The following PHF21A variants were observed in gnomAD, a reference collection of about 807,000 sequenced individuals.
PHF21A encodes BHC80a.
In PHF21A, 11 loss-of-function variants were observed where a neutral mutation model predicts 82.5. The ratio of observed to expected loss-of-function variants is 0.13; its 90% CI spans 0.08 to 0.22. The LOEUF (loss-of-function observed/expected upper bound fraction) is 0.22, where lower values mean the gene tolerates loss of function less well. PHF21A is among the 10% of genes least tolerant of loss of function. The pLI, the probability that PHF21A is intolerant of heterozygous loss-of-function variation, is 1.00. For missense variants in PHF21A, 579 were observed against 837.8 expected, an observed-to-expected ratio of 0.69 and a Z score of 3.81; for synonymous variants, 297 against 302.8, an observed-to-expected ratio of 0.98 and a Z score of 0.20.
rs532178897 is a variant in PHF21A at position 46,054,272 on chromosome 11, TTA to T, written c.153+22480_153+22481del. 2.2e-4 allele frequency among the ~76,000 whole-genome samples: 33 copies of T among 152,182 alleles called. 1 individual carries two copies. The highest frequency in any genetic ancestry group is 1.9e-3 in the East Asian group (10 of 5,180). On this transcript the variant is annotated intron_variant, in intron 6 of 18. Transcript: ENST00000676320. ...TTAATATGATAGTAACCCTTGAAAA[TTA>T]TATCACATAAAGTTTCTTCTCTAGC...
At chr11:45,989,117 C>T (rs917298538) in intron 6 of PHF21A, among the ~76,000 whole-genome samples, 3 of 152,170 alleles carry the variant, frequency 2.0e-5, no homozygotes, top group African/African-American at 7.2e-5. Context: ...TACTGATTAA[C>T]TTCATGGAAT....
chr11:45,946,730 A>G (rs187619487), intron 14 of PHF21A, among the ~76,000 whole-genome samples: 9 of 152,302 alleles, frequency 5.9e-5, no homozygotes, highest in Admixed American at 2.0e-4. Flanking sequence ...CTCTGCAATC[A>G]GCATTCTCAC....
At chr11:46,029,522 T>C (rs1325417658) in intron 6 of PHF21A, among the ~76,000 whole-genome samples, 3 of 152,186 alleles carry the variant, frequency 2.0e-5, no homozygotes, top group Non-Finnish European at 4.4e-5. Context: ...ACCCTGTCTC[T>C]ACTAAAAATA....
intron 6 of PHF21A, among the ~76,000 whole-genome samples, chr11:46,018,305 T>C (rs542359903): frequency 6.6e-6 from 1 of 151,308 alleles, no homozygotes; most frequent in South Asian, 2.1e-4. Context: ...TATAAAAGCA[T>C]CAAAATGTAC....
At chr11:45,994,992 T>C (rs748150404) in intron 6 of PHF21A, among the ~76,000 whole-genome samples, 29 of 152,244 alleles carry the variant, frequency 1.9e-4, no homozygotes, top group Non-Finnish European at 4.0e-4. Flanking sequence ...GAAATGTGTA[T>C]AATCTCTGTG....
intron 1 of PHF21A, among the ~76,000 whole-genome samples, chr11:46,102,146 A>G (rs924667967): frequency 2.3e-4 from 35 of 151,804 alleles, no homozygotes; most frequent in African/African-American, 8.2e-4. Flanking sequence ...GCGAGCCACC[A>G]CGCCTGTCCC....
intron 6 of PHF21A, among the ~76,000 whole-genome samples, chr11:45,987,755 C>T (rs531084545): frequency 6.7e-6 from 1 of 149,250 alleles, no homozygotes; most frequent in African/African-American, 2.5e-5. Flanking sequence ...GTAAATTAAG[C>T]TCCAATAGAG....
chr11:45,967,738 G>T (rs572387875), intron 9 of PHF21A, among the ~76,000 whole-genome samples: 1 of 151,884 alleles, frequency 6.6e-6, no homozygotes, highest in Admixed American at 6.6e-5. Context: ...TGTGGCCCAT[G>T]AAAGTCTTGT....
intron 6 of PHF21A, among the ~76,000 whole-genome samples, chr11:46,040,890 G>GACACACACACACACACAC (rs35673374): frequency 7.3e-6 from 1 of 137,222 alleles, no homozygotes. Flanking sequence ...CTGACAGGAA[G>GACACACACACACACACAC]ACACACACAC....
intron 6 of PHF21A, among the ~76,000 whole-genome samples, chr11:46,042,687 G>C (rs1018660389): frequency 6.6e-6 from 1 of 152,078 alleles, no homozygotes; most frequent in East Asian, 1.9e-4. Context: ...AGGTCTTTAA[G>C]AGGCCATTAG....
intron 1 of PHF21A, among the ~76,000 whole-genome samples, chr11:46,107,094 G>A (rs2097160320): frequency 6.6e-6 from 1 of 152,174 alleles, no homozygotes; most frequent in Admixed American, 6.5e-5. Flanking sequence ...CCTGAGGAAG[G>A]GAGCCACTGG....
intron 1 of PHF21A, among the ~76,000 whole-genome samples, chr11:46,109,264 A>C (rs991584317): frequency 2.6e-5 from 4 of 152,224 alleles, no homozygotes; most frequent in African/African-American, 9.6e-5. Flanking sequence ...GTAGGATAAT[A>C]ATAGTAAATC....
chr11:46,110,129 A>G (rs1449796516), intron 1 of PHF21A, among the ~76,000 whole-genome samples: 1 of 152,206 alleles, frequency 6.6e-6, no homozygotes, highest in Non-Finnish European at 1.5e-5. Context: ...ATTGCTGATT[A>G]AAAATTCAAT....
At chr11:45,974,406 T>C (rs975677092) in intron 7 of PHF21A, among the ~76,000 whole-genome samples, 2 of 142,930 alleles carry the variant, frequency 1.4e-5, no homozygotes, top group Admixed American at 1.5e-4. Flanking sequence ...AGAAGAAAGG[T>C]GTCAAACGAC....
At chr11:46,018,057 C>T (rs1307374143) in intron 6 of PHF21A, among the ~76,000 whole-genome samples, 5 of 151,690 alleles carry the variant, frequency 3.3e-5, no homozygotes, top group Non-Finnish European at 5.9e-5. Context: ...GAGACCATCC[C>T]GGCTAAAACG....
At chr11:46,066,356 T>A (rs963200170) in intron 6 of PHF21A, among the ~76,000 whole-genome samples, 2 of 152,172 alleles carry the variant, frequency 1.3e-5, no homozygotes, top group African/African-American at 4.8e-5. Context: ...TAGATATTTA[T>A]CTGTATGGTA....
intron 1 of PHF21A, among the ~76,000 whole-genome samples, chr11:46,096,864 C>A (rs891224495): frequency 6.6e-6 from 1 of 152,128 alleles, no homozygotes; most frequent in East Asian, 1.9e-4. Context: ...GTATCTCAAG[C>A]TCAACACATC....
chr11:46,069,946 T>C (rs2096636982), intron 6 of PHF21A, among the ~76,000 whole-genome samples: 1 of 152,218 alleles, frequency 6.6e-6, no homozygotes, highest in Non-Finnish European at 1.5e-5. Context: ...ATGCACTCAA[T>C]GGATACACGT....
Position 46,121,397 on chromosome 11 carries a change from T to A in PHF21A, c.-699A>T, listed in dbSNP as rs1853236598. Reference sequence around the variant, plus strand: ...GCCCAACTCTTCATCCTCCTCCTCCTCTCAGCAGCAGCAGCGAGCACCACC... The same window carrying A: ...GCCCAACTCTTCATCCTCCTCCTCCACTCAGCAGCAGCAGCGAGCACCACC... On this transcript the variant is annotated 5_prime_UTR_variant, in exon 1 of 19. Coordinates refer to ENST00000676320, the MANE Select transcript of PHF21A (RefSeq NM_001352027.3). Among the ~76,000 whole-genome samples, 1 of 150,606 alleles carries A rather than the reference T, an allele frequency of 6.6e-6. No homozygotes were observed. Among genetic ancestry groups the A allele is most frequent in the African/African-American group, 2.4e-5 (1 of 40,970 alleles).
Sources: gnomAD v4.1 joint callset for allele counts (sites outside exome capture counted in the v4.1 genomes callset) on GRCh38, gnomAD v4.1.1 for gene constraint, MANE v1.5 for transcripts, NCBI Gene and HGNC (gene_info 2026-07-23, HGNC 2026-07-21) for gene names.